HIVEP1: variants seen among roughly 807,000 people sequenced by gnomAD.
The protein encoded by HIVEP1 is HIVEP zinc finger 1.
In HIVEP1, 36 loss-of-function variants were observed where a neutral mutation model predicts 180.0. The observed-to-expected ratio is 0.20, with a 90% confidence interval of 0.15 to 0.26. The LOEUF is 0.26. HIVEP1 is among the 10% of genes least tolerant of loss of function. HIVEP1 has a pLI of 1.00. For missense variants in HIVEP1, 3,143 were observed against 3,268.7 expected (o/e 0.96, Z 0.94); for synonymous variants, 1,239 against 1,239.0 (o/e 1.00, Z 0.00).
chr6:12,020,933 C>A (rs921835783), intron 2 of HIVEP1, among the ~76,000 whole-genome samples: 17 of 138,478 alleles, frequency 1.2e-4, no homozygotes, highest in Non-Finnish European at 2.3e-4. Context: ...CTCTGTCACC[C>A]AGGCTGGAGT....
intron 2 of HIVEP1, chr6:12,037,600 G>T (rs1769366912): frequency 2.6e-6 from 1 of 384,910 alleles, no homozygotes; most frequent in Non-Finnish European, 4.6e-6. Flanking sequence ...TTATGGAAAA[G>T]AATTTTGTAT....
At chr6:12,107,880 G>A (rs924393839) in intron 3 of HIVEP1, among the ~76,000 whole-genome samples, 1 of 150,408 alleles carries the variant, frequency 6.6e-6, no homozygotes, top group African/African-American at 2.5e-5. Flanking sequence ...GGCGCTGATT[G>A]GTGCGTTTAC....
At chr6:12,133,085 T>C (rs1285734552) in intron 6 of HIVEP1, among the ~76,000 whole-genome samples, 2 of 152,174 alleles carry the variant, frequency 1.3e-5, no homozygotes, top group Admixed American at 6.5e-5. Flanking sequence ...TGTATAAATA[T>C]GGTATGCAAA....
At chr6:12,061,167 G>A (rs1468502609) in intron 2 of HIVEP1, among the ~76,000 whole-genome samples, 3 of 152,184 alleles carry the variant, frequency 2.0e-5, no homozygotes, top group African/African-American at 7.2e-5. Context: ...GCAAGTGCCT[G>A]TGGATTCTCT....
chr6:12,080,773 C>A (rs1290998531), intron 2 of HIVEP1, among the ~76,000 whole-genome samples: 10 of 152,110 alleles, frequency 6.6e-5, no homozygotes, highest in Non-Finnish European at 1.3e-4. Context: ...CAAGATGAGG[C>A]ATTTCACATT....
chr6:12,166,215 A>C (rs1029676665), downstream of HIVEP1, among the ~76,000 whole-genome samples: 11 of 152,236 alleles, frequency 7.2e-5, no homozygotes, highest in Non-Finnish European at 1.6e-4. Context: ...CTAAAATTTT[A>C]AAGCAGTATA....
chr6:12,060,602 A>G (rs1020424253), intron 2 of HIVEP1, among the ~76,000 whole-genome samples: 1 of 152,230 alleles, frequency 6.6e-6, no homozygotes, highest in Admixed American at 6.5e-5. Flanking sequence ...ATTACAGGAT[A>G]GTTAATATCT....
intron 3 of HIVEP1, among the ~76,000 whole-genome samples, chr6:12,099,747 G>A (rs1202792094): frequency 6.6e-6 from 1 of 152,046 alleles, no homozygotes; most frequent in Non-Finnish European, 1.5e-5. Context: ...AATCGATGAT[G>A]GATGGTAGAG....
downstream of HIVEP1, among the ~76,000 whole-genome samples, chr6:12,168,190 A>T (rs1760793340): frequency 1.7e-5 from 1 of 57,666 alleles, no homozygotes; most frequent in Non-Finnish European, 3.2e-5. Context: ...ATATAGATAT[A>T]CGTGTATATA....
chr6:12,019,424 G>A (rs1278986434), intron 2 of HIVEP1, among the ~76,000 whole-genome samples: 1 of 152,160 alleles, frequency 6.6e-6, no homozygotes, highest in Non-Finnish European at 1.5e-5. Flanking sequence ...GTGACAGTTT[G>A]GAATATCAGG....
chr6:12,016,036 T>C (rs1229523632), intron 2 of HIVEP1, among the ~76,000 whole-genome samples: 1 of 152,114 alleles, frequency 6.6e-6, no homozygotes, highest in African/African-American at 2.4e-5. Flanking sequence ...TTTTTTTCAC[T>C]CTTCCTCCAT....
At chr6:12,041,874 T>C (rs535722483) in intron 2 of HIVEP1, among the ~76,000 whole-genome samples, 4 of 152,052 alleles carry the variant, frequency 2.6e-5, no homozygotes, top group African/African-American at 9.7e-5. Flanking sequence ...TTAGCTAGGA[T>C]GGTCTTGATC....
At chr6:12,020,914 G>C (rs1396281498) in intron 2 of HIVEP1, among the ~76,000 whole-genome samples, 1 of 70,460 alleles carries the variant, frequency 1.4e-5, no homozygotes, top group Non-Finnish European at 3.0e-5. Flanking sequence ...TTTTTGAGAC[G>C]GAGTCTCACT....
At chr6:12,028,828 C>T (rs1349052901) in intron 2 of HIVEP1, among the ~76,000 whole-genome samples, 1 of 152,186 alleles carries the variant, frequency 6.6e-6, no homozygotes, top group Non-Finnish European at 1.5e-5. Flanking sequence ...ATGTCTGTCA[C>T]CCCCAAAATT....
chr6:12,109,334 C>T (rs1279418917), intron 3 of HIVEP1, among the ~76,000 whole-genome samples: 1 of 152,186 alleles, frequency 6.6e-6, no homozygotes, highest in Non-Finnish European at 1.5e-5. Context: ...TTGACTTTTA[C>T]TTTCATGAAA....
the HIVEP1 span, among the ~76,000 whole-genome samples, chr6:12,172,429 C>T: frequency 6.6e-6 from 1 of 151,620 alleles, no homozygotes; most frequent in African/African-American, 2.4e-5. Context: ...ACCACCTAGA[C>T]CATAAATCTC....
At chr6:12,012,178 T>G (rs1767375087), upstream of HIVEP1, 1 of 134,184 alleles carries the variant, frequency 7.5e-6, no homozygotes, top group Non-Finnish European at 1.6e-5. Context: ...GATCATGCCG[T>G]GGCTCCGGGC....
chr6:12,176,194 T>C, the HIVEP1 span, among the ~76,000 whole-genome samples: 1 of 151,586 alleles, frequency 6.6e-6, no homozygotes, highest in Non-Finnish European at 1.5e-5. Context: ...GAGTGGTATT[T>C]GGTTTGACTC....
At chr6:12,209,572 T>C in the HIVEP1 span, among the ~76,000 whole-genome samples, 1 of 152,258 alleles carries the variant, frequency 6.6e-6, no homozygotes, top group Non-Finnish European at 1.5e-5. Context: ...TATTCACTGA[T>C]ATATGCCCCA....
Sources: allele counts gnomAD v4.1 joint callset (sites outside exome capture counted in the v4.1 genomes callset), GRCh38; gene constraint gnomAD v4.1.1; transcripts MANE v1.5; gene names NCBI Gene and HGNC (gene_info 2026-07-23, HGNC 2026-07-21).